The following ABR variants were observed in gnomAD, a reference collection of about 807,000 sequenced individuals.
ABR encodes active breakpoint cluster region-related protein.
In ABR, 35 loss-of-function variants were observed where a neutral mutation model predicts 107.2. The ratio of observed to expected loss-of-function variants is 0.33; its 90% CI spans 0.25 to 0.43. ABR has a LOEUF of 0.43. Among genes scored for constraint, ABR ranks in the 20% least tolerant of loss-of-function variants. The pLI is 1.00. For missense variants in ABR, 815 were observed against 1,115.2 expected (o/e 0.73, Z 3.83); for synonymous variants, 498 against 462.0 (o/e 1.08, Z -1.00).
At chr17:1,033,969 AT>A (rs560978094) in intron 16 of ABR, among the ~76,000 whole-genome samples, 11,769 of 124,510 alleles carry the variant, frequency 0.095, 437 homozygotes, top group Middle Eastern at 0.13. Flanking sequence ...CACTCATGTC[AT>A]TTTTTTTTTT....
At chr17:1,165,139 A>G (rs1477012941) in intron 1 of ABR, among the ~76,000 whole-genome samples, 1 of 152,234 alleles carries the variant, frequency 6.6e-6, no homozygotes, top group Non-Finnish European at 1.5e-5. Context: ...GCAGGTGTTC[A>G]AAGACCAAGC....
intron 6 of ABR, among the ~76,000 whole-genome samples, chr17:1,077,408 C>T (rs1163156351): frequency 5.3e-5 from 8 of 152,196 alleles, no homozygotes; most frequent in Admixed American, 5.2e-4. Flanking sequence ...GCCAAGGGTA[C>T]GTTTCCTTTT....
Position 1,145,445 on chromosome 17 carries a change from T to C in ABR, c.62-20078A>G, listed in dbSNP as rs564977327. ...TGATTTAAGGCTCTGCTCTTCCTCC[T>C]GTCTTTCCCTGTGGGAAATGCCACT... is the stretch of plus-strand genomic sequence containing the variant. On this transcript the variant is annotated intron_variant, in intron 1 of 22. Transcript: ENST00000302538. Among the ~76,000 whole-genome samples, 3 of 152,322 alleles carry C rather than the reference T, an allele frequency of 2.0e-5. No homozygotes were observed. In the South Asian group the frequency reaches 6.2e-4, roughly 32 times the overall value.
At chr17:1,064,172 C>T (rs368428655) in intron 10 of ABR, among the ~76,000 whole-genome samples, 7 of 129,318 alleles carry the variant, frequency 5.4e-5, no homozygotes, top group African/African-American at 8.5e-5. Context: ...GAACTGAGGG[C>T]TATGCATGTT....
chr17:1,195,391 C>G (rs567373395), intron 1 of ABR, among the ~76,000 whole-genome samples: 3 of 151,514 alleles, frequency 2.0e-5, no homozygotes, highest in South Asian at 2.1e-4. Context: ...CCATCAGGCC[C>G]GGCCCTTAAG....
rs1190722432 is a variant in ABR at position 1,071,648 on chromosome 17, G to A, written c.894+966C>T. 6.6e-6 allele frequency among the ~76,000 whole-genome samples: 1 copy of A among 152,210 alleles called. No individual in the cohort carries two copies. The highest frequency in any genetic ancestry group is 1.5e-5 in the Non-Finnish European group (1 of 68,034). The stretch of plus-strand genomic sequence containing the variant: ...CAGCCTTTCCTGCTGTGGGCTCCCC[G>A]CAAGCCACTGCGTGTGCAGGCCGAG... On this transcript the variant is annotated intron_variant, in intron 8 of 22. Coordinates refer to ENST00000302538, the MANE Select transcript of ABR (RefSeq NM_021962.5). This position sits in a 1 kb window ranked among gnomAD's most constrained non-coding sequence, Gnocchi z 5.1.
At chr17:1,143,444 A>G (rs1238157739) in intron 1 of ABR, among the ~76,000 whole-genome samples, 4 of 37,166 alleles carry the variant, frequency 1.1e-4, no homozygotes, top group East Asian at 8.5e-4. Context: ...TTCCTGGGGG[A>G]CAGCTCGCTC....
At chr17:1,054,451 TG>T in intron 14 of ABR, among the ~76,000 whole-genome samples, 1 of 148,044 alleles carries the variant, frequency 6.8e-6, no homozygotes, top group African/African-American at 2.6e-5. Context: ...CTGAGCAGGA[TG>T]GGGGCACAAG....
chr17:1,093,121 AGCC>A (rs1168553383), intron 3 of ABR, among the ~76,000 whole-genome samples: 5 of 145,054 alleles, frequency 3.4e-5, no homozygotes, highest in Non-Finnish European at 7.6e-5. Flanking sequence ...GCGCCCGGCC[AGCC>A]ATGTCGGATT....
At position 1,011,286 on chromosome 17, in the gene ABR, C is replaced by A; in HGVS notation, c.2102-423G>T. On this transcript the variant is annotated intron_variant, in intron 19 of 22. Coordinates refer to ENST00000302538, the MANE Select transcript of ABR (RefSeq NM_021962.5). This position sits in a 1 kb window ranked among gnomAD's most constrained non-coding sequence, Gnocchi z 4.8. ...GCTGCACAGAGGCACCAACGCCGGC[C>A]AGTTCCCAGGCCCCACCCCGTCCTC... The A allele has an allele frequency of 5.2e-6, 1 of 191,222 alleles. No homozygotes were observed. The highest frequency in any genetic ancestry group is 1.1e-5 in the Non-Finnish European group (1 of 91,638). 11.8% of individuals were successfully genotyped at this position (191,222 alleles called of 1,614,324 possible). A position where few individuals can be genotyped will look rare whatever the true frequency, so the allele number is the denominator to read the frequency against.
intron 2 of ABR, among the ~76,000 whole-genome samples, chr17:1,102,177 C>G (rs1481955462): frequency 6.6e-6 from 1 of 152,168 alleles, no homozygotes; most frequent in Non-Finnish European, 1.5e-5. Flanking sequence ...CGCTCAGTCT[C>G]CCCCACACGC....
chr17:1,031,943 G>T, intron 16 of ABR: 2 of 843,272 alleles, frequency 2.4e-6, no homozygotes, highest in East Asian at 1.0e-4. Context: ...CTCCTTCCCC[G>T]CCCTCCGCGA....
rs145284777 is a variant in ABR, at chr17:1,059,804, T to C, written c.1183-937A>G. ...TTCACCTCTATGGTGTTTTGTTCTT[T>C]TTAACCCACTGGACTGGCAAAATTG... is the stretch of plus-strand genomic sequence containing the variant. On this transcript the variant is annotated intron_variant, in intron 10 of 22. Transcript: ENST00000302538. Among the ~76,000 whole-genome samples, 3 of 152,362 alleles carry C rather than the reference T, an allele frequency of 2.0e-5. No homozygotes were observed. In the East Asian group the frequency reaches 5.8e-4, roughly 29 times the overall value.
rs367641624 is a variant in ABR at position 1,027,735 on chromosome 17, G to C, written c.1792-14571C>G. On this transcript the variant is annotated intron_variant, in intron 16 of 22. Transcript: ENST00000302538. The surrounding 1 kb of genome is among the most constrained non-coding windows in gnomAD (Gnocchi z 4.7). ...ACTGTAGTCCCCTGTCTGTGGCTGA[G>C]GGGTCGCTATGGGGGTGTGTGTGAA... Among the ~76,000 whole-genome samples the C allele has an allele frequency of 7.9e-5, 12 of 152,072 alleles. No individual in the cohort carries two copies. The highest frequency in any genetic ancestry group is 2.9e-4 in the African/African-American group (12 of 41,412).
intron 9 of ABR, among the ~76,000 whole-genome samples, chr17:1,068,565 C>T (rs2034954339): frequency 6.6e-6 from 1 of 152,224 alleles, no homozygotes; most frequent in South Asian, 2.1e-4. Context: ...AAGGGGTGTG[C>T]TTGGCACACT....
intron 1 of ABR, among the ~76,000 whole-genome samples, chr17:1,219,117 A>T (rs1010435719): frequency 6.6e-6 from 1 of 152,026 alleles, no homozygotes; most frequent in African/African-American, 2.4e-5. Context: ...ATCTCGGCTC[A>T]CTGCAACCTC....
chr17:1,026,009 C>A (rs369232141), intron 16 of ABR, among the ~76,000 whole-genome samples: 2 of 152,230 alleles, frequency 1.3e-5, no homozygotes, highest in African/African-American at 4.8e-5. Flanking sequence ...CCCCTGCTCC[C>A]GTGTCCACTG....
At chr17:1,114,976 ATC>A (rs1226507193) in intron 2 of ABR, among the ~76,000 whole-genome samples, 10 of 152,094 alleles carry the variant, frequency 6.6e-5, no homozygotes, top group South Asian at 2.1e-4. Context: ...AACCGACAAA[ATC>A]TCTCTCTCGT....
chr17:1,215,269 C>G (rs1336315827), intron 1 of ABR, among the ~76,000 whole-genome samples: 2 of 151,780 alleles, frequency 1.3e-5, no homozygotes, highest in Non-Finnish European at 2.9e-5. Context: ...TCTCTCTCCA[C>G]GGTCTCCCTC....
Sources: gnomAD v4.1 joint callset for allele counts (sites outside exome capture counted in the v4.1 genomes callset) on GRCh38, gnomAD v4.1.1 for gene constraint, Gnocchi (gnomAD v3.1) non-coding constraint, MANE v1.5 for transcripts, NCBI Gene and HGNC (gene_info 2026-07-23, HGNC 2026-07-21) for gene names.